Variants in COL22A1 observed in about 807,000 individuals in gnomAD.
COL22A1 encodes collagen type XXII alpha 1 chain.
In COL22A1, 221 loss-of-function variants were observed where a neutral mutation model predicts 248.9. The ratio of observed to expected loss-of-function variants is 0.89; its 90% CI spans 0.80 to 0.99. The LOEUF is 0.99. COL22A1 is among the 50% of genes least tolerant of loss of function. The pLI, the probability that COL22A1 is intolerant of heterozygous loss-of-function variation, is 0.00. For synonymous variants in COL22A1, 891 were observed against 793.4 expected, an observed-to-expected ratio of 1.12 and a Z score of -2.07; for missense variants, 2,240 against 2,179.0, an observed-to-expected ratio of 1.03 and a Z score of -0.56.
chr8:138,606,316 T>C, intron 58 of COL22A1, 65 bp downstream of exon 58: 19 of 1,391,418 alleles, frequency 1.4e-5, no homozygotes, highest in Non-Finnish European at 1.9e-5. Context: ...GCAGGGAAGG[T>C]ACTGCATGTG....
intron 18 of COL22A1, among the ~76,000 whole-genome samples, chr8:138,759,014 C>G (rs886652823): frequency 6.6e-6 from 1 of 152,160 alleles, no homozygotes; most frequent in African/African-American, 2.4e-5. Flanking sequence ...GACTTAGCAT[C>G]CCCTGTCAAG....
At chr8:138,885,995 T>A (rs970544199) in intron 1 of COL22A1, among the ~76,000 whole-genome samples, 4 of 152,084 alleles carry the variant, frequency 2.6e-5, no homozygotes, top group African/African-American at 9.7e-5. Context: ...TTAGGTTATA[T>A]CTATCCTCCA....
At chr8:138,734,236 A>T (rs1830935337) in intron 23 of COL22A1, among the ~76,000 whole-genome samples, 1 of 152,212 alleles carries the variant, frequency 6.6e-6, no homozygotes, top group Admixed American at 6.5e-5. Flanking sequence ...GCCTGAATAA[A>T]TATGAGATTT....
At chr8:138,704,511 C>T (rs1163061131) in intron 30 of COL22A1, among the ~76,000 whole-genome samples, 1 of 152,064 alleles carries the variant, frequency 6.6e-6, no homozygotes, top group Non-Finnish European at 1.5e-5. Context: ...CCCAGGCAAA[C>T]AGCGTCTGGA....
intron 47 of COL22A1, among the ~76,000 whole-genome samples, chr8:138,639,489 A>G (rs1408069170): frequency 6.6e-6 from 1 of 152,202 alleles, no homozygotes; most frequent in East Asian, 1.9e-4. Flanking sequence ...GATAAAAACC[A>G]TGTGCACTGG....
chr8:138,805,220 ATG>A (rs1226125838), intron 10 of COL22A1, among the ~76,000 whole-genome samples: 4 of 119,740 alleles, frequency 3.3e-5, no homozygotes, highest in African/African-American at 6.6e-5. Flanking sequence ...GTGTGTGTGC[ATG>A]TGTGTGAGAT....
At chr8:138,813,407 T>C (rs1052738629) in intron 7 of COL22A1, among the ~76,000 whole-genome samples, 3 of 152,220 alleles carry the variant, frequency 2.0e-5, no homozygotes, top group Non-Finnish European at 4.4e-5. Context: ...CCCTTTTTCT[T>C]GGCTCTCATT....
intron 47 of COL22A1, among the ~76,000 whole-genome samples, chr8:138,637,362 A>C (rs1169321425): frequency 6.6e-6 from 1 of 152,220 alleles, no homozygotes; most frequent in Non-Finnish European, 1.5e-5. Context: ...AAGCTTTGGA[A>C]GAATTTATCC....
chr8:138,856,753 C>T (rs1040434380), intron 3 of COL22A1, among the ~76,000 whole-genome samples: 2 of 152,128 alleles, frequency 1.3e-5, no homozygotes, highest in Non-Finnish European at 2.9e-5. Flanking sequence ...TTTGTGTGGG[C>T]GGCCTGTGGG....
chr8:138,666,709 A>C (rs1824534106), intron 41 of COL22A1, among the ~76,000 whole-genome samples: 1 of 152,216 alleles, frequency 6.6e-6, no homozygotes, highest in South Asian at 2.1e-4. Flanking sequence ...ATGGCCTGGG[A>C]AATGTCACAT....
intron 1 of COL22A1, among the ~76,000 whole-genome samples, chr8:138,894,976 T>C (rs951219825): frequency 4.0e-5 from 6 of 151,606 alleles, no homozygotes; most frequent in African/African-American, 9.7e-5. Flanking sequence ...AAAGGATTGC[T>C]TGAACCCAGG....
At chr8:138,834,111 C>G (rs900946723) in intron 4 of COL22A1, among the ~76,000 whole-genome samples, 3 of 152,160 alleles carry the variant, frequency 2.0e-5, no homozygotes, top group Non-Finnish European at 4.4e-5. Flanking sequence ...GGACAACACT[C>G]GTTCTGGAGG....
chr8:138,774,929 G>A (rs561973482), intron 16 of COL22A1, among the ~76,000 whole-genome samples: 20 of 152,286 alleles, frequency 1.3e-4, no homozygotes, highest in African/African-American at 4.3e-4. Context: ...TGGCTGTGGA[G>A]GGACACTCCC....
chr8:138,798,541 A>G (rs924013384), intron 11 of COL22A1, among the ~76,000 whole-genome samples: 3 of 152,118 alleles, frequency 2.0e-5, no homozygotes, highest in Non-Finnish European at 2.9e-5. Context: ...ACATAGAAAC[A>G]TACTCCTTCT....
chr8:138,898,616 C>A (rs1814302275), intron 1 of COL22A1, among the ~76,000 whole-genome samples: 1 of 152,124 alleles, frequency 6.6e-6, no homozygotes, highest in African/African-American at 2.4e-5. Flanking sequence ...AAAGGGAAAG[C>A]AAAGACTAAC....
At chr8:138,770,101 C>G (rs981722175) in intron 16 of COL22A1, among the ~76,000 whole-genome samples, 6 of 152,180 alleles carry the variant, frequency 3.9e-5, no homozygotes, top group Non-Finnish European at 8.8e-5. Flanking sequence ...TGGAGGCCAA[C>G]CAGGGTGACA....
At chr8:138,868,228 G>T (rs536919325) in intron 3 of COL22A1, among the ~76,000 whole-genome samples, 1 of 152,276 alleles carries the variant, frequency 6.6e-6, no homozygotes, top group African/African-American at 2.4e-5. Context: ...TCCAATCCCA[G>T]GCCTTCCCTG....
chr8:138,642,040 G>A (rs1479416241), intron 47 of COL22A1, among the ~76,000 whole-genome samples: 1 of 152,210 alleles, frequency 6.6e-6, no homozygotes, highest in Non-Finnish European at 1.5e-5. Flanking sequence ...TAACCCTTCT[G>A]TGATGCATTT....
intron 12 of COL22A1, among the ~76,000 whole-genome samples, chr8:138,789,105 A>G (rs1031721816): frequency 6.6e-6 from 1 of 152,208 alleles, no homozygotes; most frequent in Non-Finnish European, 1.5e-5. Context: ...CTGGTCCATT[A>G]GACTTGGCAA....
Sources: gnomAD v4.1 joint callset for allele counts (sites outside exome capture counted in the v4.1 genomes callset) on GRCh38, gnomAD v4.1.1 for gene constraint, MANE v1.5 for transcripts, NCBI Gene and HGNC (gene_info 2026-07-23, HGNC 2026-07-21) for gene names.